The following DHRS7C variants were observed in gnomAD, a reference collection of about 807,000 sequenced individuals.
DHRS7C encodes dehydrogenase/reductase SDR family member 7C.
A neutral mutation model predicts 29.6 loss-of-function variants in DHRS7C; 28 were observed. The ratio of observed to expected loss-of-function variants is 0.95; its 90% CI spans 0.70 to 1.30. The LOEUF (loss-of-function observed/expected upper bound fraction) is 1.30, where lower values mean the gene tolerates loss of function less well. DHRS7C is among the 50% of genes most tolerant of loss of function. The pLI is 0.00. For missense variants in DHRS7C, 403 were observed against 393.3 expected (o/e 1.02, Z -0.21); for synonymous variants, 158 against 160.2 (o/e 0.99, Z 0.10).
chr17:9,780,166 ACG>A, intron 2 of DHRS7C, 131 bp from the exon 3 acceptor site: 1 of 790,096 alleles, frequency 1.3e-6, no homozygotes, highest in Non-Finnish European at 2.0e-6. Flanking sequence ...AAAAAAAAAG[ACG>A]AAGAAGCAGA....
Position 9,771,446 on chromosome 17 carries a change from A to G in DHRS7C, c.*42T>C. On this transcript the variant is annotated 3_prime_UTR_variant, in exon 6 of 6. Transcript: ENST00000571134. ...ACAGAAGCGCCAGCACCTGCCAGAAAAACCTTTATTTCCAAGGGGTGGCCC... is the reference window on the plus strand; with the variant it reads ...ACAGAAGCGCCAGCACCTGCCAGAAGAACCTTTATTTCCAAGGGGTGGCCC... 2 of 1,431,876 alleles carry G rather than the reference A, an allele frequency of 1.4e-6. No individual in the cohort carries two copies. Among genetic ancestry groups the G allele is most frequent in the Non-Finnish European group, 1.8e-6 (2 of 1,085,964 alleles). The allele number at this position is 1,431,876 out of a possible 1,614,324, so 88.7% of individuals were successfully genotyped here. A position where few individuals can be genotyped will look rare whatever the true frequency, so the allele number is the denominator to read the frequency against.
In DHRS7C at chr17:9,775,358, A is replaced by C. The variant is rs2066356196; in HGVS notation, c.571+1835T>G. On this transcript the variant is annotated intron_variant, in intron 4 of 5. Transcript: ENST00000571134. The surrounding 1 kb of genome is among the most constrained non-coding windows in gnomAD (Gnocchi z 4.2). Reference sequence around the variant, plus strand: ...GGCCCCCAGGTGGACTGCACTTCCCAGCGTCCCTTGCACTTAGGTGCGACT... The same window carrying C: ...GGCCCCCAGGTGGACTGCACTTCCCCGCGTCCCTTGCACTTAGGTGCGACT... Among the ~76,000 whole-genome samples the C allele has an allele frequency of 6.6e-6, 1 of 152,198 alleles. No homozygotes were observed. Among genetic ancestry groups the C allele is most frequent in the Non-Finnish European group, 1.5e-5 (1 of 68,034 alleles).
intron 4 of DHRS7C, 23 bp from the exon 5 acceptor site, chr17:9,772,945 G>A: frequency 6.2e-7 from 1 of 1,611,974 alleles, no homozygotes; most frequent in South Asian, 1.1e-5. Flanking sequence ...CCATCCGGAG[G>A]TGGGCGCAGG....
At chr17:9,783,654 G>C (rs1471457161) in intron 1 of DHRS7C, among the ~76,000 whole-genome samples, 1 of 152,170 alleles carries the variant, frequency 6.6e-6, no homozygotes, top group East Asian at 1.9e-4. Flanking sequence ...TTGAGCCAAC[G>C]GGAAAAGAAT....
At chr17:9,788,925 T>C (rs1363234607) in intron 1 of DHRS7C, among the ~76,000 whole-genome samples, 1 of 151,986 alleles carries the variant, frequency 6.6e-6, no homozygotes, top group Non-Finnish European at 1.5e-5. Flanking sequence ...TGAGATATAG[T>C]AAAAAAAGAA....
intron 1 of DHRS7C, among the ~76,000 whole-genome samples, chr17:9,790,356 G>T (rs927078381): frequency 3.3e-5 from 5 of 152,216 alleles, no homozygotes; most frequent in African/African-American, 1.2e-4. Context: ...GAAGGATAGA[G>T]TCAGAATCTT....
intron 1 of DHRS7C, among the ~76,000 whole-genome samples, chr17:9,784,233 T>C (rs1364552929): frequency 3.3e-5 from 5 of 151,942 alleles, no homozygotes; most frequent in Admixed American, 3.3e-4. Context: ...AGCACTTTGG[T>C]AGGCCAAGGC....
intron 1 of DHRS7C, chr17:9,782,807 C>T (rs2066400460): frequency 6.6e-6 from 1 of 152,338 alleles, no homozygotes; most frequent in South Asian, 2.1e-4. Context: ...TGGACTCAGA[C>T]TGGCTGGGAA....
At position 9,771,634 on chromosome 17, in the gene DHRS7C, T is replaced by C. The variant is rs550626688; in HGVS notation, c.790A>G (p.Thr264Ala). ...PVEVAEEVMR[T>A]VRRKKQEVFM... Reference sequence around the variant, plus strand: ...ACCTCTTGCTTCTTCCTCCGCACGGTGCGCATCACCTCCTCCGCCACCTCT... The same window carrying C: ...ACCTCTTGCTTCTTCCTCCGCACGGCGCGCATCACCTCCTCCGCCACCTCT... The change falls in exon 6 of 6, where the codon ACC (threonine) becomes GCC (alanine). Residue 264 changes from threonine to alanine, a missense_variant. Transcript: ENST00000571134. 3 of 1,595,020 alleles carry C rather than the reference T, an allele frequency of 1.9e-6. No homozygotes were observed. The South Asian group carries it at 3.4e-5, about 18-fold the overall frequency.
intron 4 of DHRS7C, among the ~76,000 whole-genome samples, chr17:9,773,317 A>C (rs2066342402): frequency 6.6e-6 from 1 of 151,886 alleles, no homozygotes; most frequent in South Asian, 2.1e-4. Flanking sequence ...ATGCCTAAGA[A>C]ACTTGTCCAA....
intron 3 of DHRS7C, among the ~76,000 whole-genome samples, chr17:9,778,561 C>T (rs1305287986): frequency 6.6e-6 from 1 of 152,162 alleles, no homozygotes; most frequent in Non-Finnish European, 1.5e-5. Flanking sequence ...TGCTTTGATG[C>T]CAGTGAAGTC....
At chr17:9,786,817 G>T (rs937287381) in intron 1 of DHRS7C, among the ~76,000 whole-genome samples, 3 of 152,162 alleles carry the variant, frequency 2.0e-5, no homozygotes, top group African/African-American at 7.2e-5. Flanking sequence ...AACCCCAGGA[G>T]TCTGACATCC....
chr17:9,777,404 G>A, intron 3 of DHRS7C, 119 bp from the exon 4 acceptor site: 1 of 672,542 alleles, frequency 1.5e-6, no homozygotes, highest in Non-Finnish European at 2.5e-6. Context: ...GCGGTAACTA[G>A]ATTGCAGCAG....
rs531972284 is a variant in DHRS7C at position 9,775,772 on chromosome 17, G to A, written c.571+1421C>T. On this transcript the variant is annotated intron_variant, in intron 4 of 5. Transcript: ENST00000571134. The surrounding 1 kb of genome is among the most constrained non-coding windows in gnomAD (Gnocchi z 4.2). ...GGGTTGAATTCTGTTATCAGCCTCC[G>A]AAAATTTATATGCTGAAACCCAATA... Among the ~76,000 whole-genome samples, 281 of 152,290 alleles carry A rather than the reference G, an allele frequency of 1.8e-3. 1 individual carries two copies. Among genetic ancestry groups the A allele is most frequent in the African/African-American group, 6.4e-3 (264 of 41,572 alleles).
chr17:9,787,929 TC>T lies in DHRS7C; in HGVS notation c.154+3201del, dbSNP rs200171363. On this transcript the variant is annotated intron_variant, in intron 1 of 5. Transcript: ENST00000571134. Reference sequence around the variant, plus strand: ...TCTTACTATGTTGCCCAGGCTGGTCTCGAACTCCTGAGTTCAAGCGATTCAC... The same window carrying T: ...TCTTACTATGTTGCCCAGGCTGGTCTGAACTCCTGAGTTCAAGCGATTCAC... Among the ~76,000 whole-genome samples, 179 of 152,302 alleles carry T rather than the reference TC, an allele frequency of 1.2e-3. 2 individuals are homozygous for T. In the East Asian group the frequency reaches 0.029, roughly 25 times the overall value.
Position 9,772,938 on chromosome 17 carries a change from T to G in DHRS7C, c.572-16A>C, listed in dbSNP as rs767589534. ...GAGGCAGCGTCTGCGAGACAAACCATCCGGAGGTGGGCGCAGGACACTCCC... is the reference window on the plus strand; with the variant it reads ...GAGGCAGCGTCTGCGAGACAAACCAGCCGGAGGTGGGCGCAGGACACTCCC... On this transcript the variant is annotated splice_polypyrimidine_tract_variant and intron_variant, in intron 4 of 5. Coordinates refer to ENST00000571134, the MANE Select transcript of DHRS7C (RefSeq NM_001105571.3). 1.9e-6 allele frequency: 3 copies of G among 1,612,398 alleles called. No homozygotes were observed. Among genetic ancestry groups the G allele is most frequent in the Non-Finnish European group, 2.5e-6 (3 of 1,179,680 alleles).
chr17:9,779,752 T>G, intron 3 of DHRS7C, 73 bp downstream of exon 3: 1 of 1,453,130 alleles, frequency 6.9e-7, no homozygotes, highest in Non-Finnish European at 9.4e-7. Flanking sequence ...AGGATGACTG[T>G]CTGGCTAATT....
intron 1 of DHRS7C, chr17:9,785,054 G>A (rs2066416129): frequency 6.6e-6 from 1 of 152,144 alleles, no homozygotes; most frequent in South Asian, 2.1e-4. Flanking sequence ...TTTAACTGAG[G>A]CACTGAGATC....
intron 1 of DHRS7C, among the ~76,000 whole-genome samples, chr17:9,788,191 C>CT (rs1412562602): frequency 1.3e-5 from 2 of 152,072 alleles, no homozygotes; most frequent in Non-Finnish European, 2.9e-5. Flanking sequence ...GATAGCCATT[C>CT]TTTTTTTAAA....
Sources: gnomAD v4.1 joint callset for allele counts (sites outside exome capture counted in the v4.1 genomes callset) on GRCh38, gnomAD v4.1.1 for gene constraint, Gnocchi (gnomAD v3.1) non-coding constraint, MANE v1.5 for transcripts, NCBI Gene and HGNC (gene_info 2026-07-23, HGNC 2026-07-21) for gene names.